The following RALGAPA2 variants were observed in gnomAD, a reference collection of about 807,000 sequenced individuals.
RALGAPA2 encodes Ral GTPase activating protein catalytic subunit alpha 2.
In RALGAPA2, 139 loss-of-function variants were observed where a neutral mutation model predicts 230.4. That is an observed-to-expected ratio of 0.60 (90% CI 0.53 to 0.69). The LOEUF (loss-of-function observed/expected upper bound fraction) is 0.69. RALGAPA2 is among the 30% of genes least tolerant of loss of function. The pLI is 0.00. For missense variants in RALGAPA2, 2,163 were observed against 2,276.0 expected (o/e 0.95, Z 1.01); for synonymous variants, 847 against 837.8 (o/e 1.01, Z -0.19).
intron 37 of RALGAPA2, among the ~76,000 whole-genome samples, chr20:20,470,441 G>A (rs966104317): frequency 6.6e-6 from 1 of 152,154 alleles, no homozygotes; most frequent in Non-Finnish European, 1.5e-5. Context: ...CGTTTCTTTA[G>A]TTGTCATCTT....
intron 30 of RALGAPA2, among the ~76,000 whole-genome samples, chr20:20,523,542 A>G (rs1362276994): frequency 2.0e-5 from 3 of 152,214 alleles, no homozygotes; most frequent in Non-Finnish European, 4.4e-5. Context: ...GGCTGTAGTT[A>G]ACATTAATCA....
chr20:20,471,613 C>G (rs911278729), intron 37 of RALGAPA2: 2 of 152,104 alleles, frequency 1.3e-5, no homozygotes, highest in African/African-American at 4.8e-5. Context: ...CACAAGATTA[C>G]GTCTACAGTG....
At chr20:20,408,112 T>C (rs545335843) in intron 38 of RALGAPA2, among the ~76,000 whole-genome samples, 27 of 152,350 alleles carry the variant, frequency 1.8e-4, no homozygotes, top group African/African-American at 5.1e-4. Flanking sequence ...TATAGCAATA[T>C]TGAAGCAGAA....
At chr20:20,621,070 G>A (rs1316403386) in intron 10 of RALGAPA2, among the ~76,000 whole-genome samples, 1 of 151,796 alleles carries the variant, frequency 6.6e-6, no homozygotes, top group African/African-American at 2.4e-5. Flanking sequence ...GAACCCAGGA[G>A]GTGGAGGTTG....
At chr20:20,401,726 T>C (rs959360587) in intron 38 of RALGAPA2, among the ~76,000 whole-genome samples, 8 of 152,218 alleles carry the variant, frequency 5.3e-5, no homozygotes, top group Non-Finnish European at 5.9e-5. Flanking sequence ...TGAGGAAACA[T>C]TGCAGAAGCA....
Position 20,543,088 on chromosome 20 carries a change from A to C in RALGAPA2, c.3285+3616T>G, listed in dbSNP as rs143320063. Reference sequence around the variant, plus strand: ...TAGACGGAGTCATGCTCTGTCACCCAGGCTAGAGTGCAGTGGTGCGATCTT... The same window carrying C: ...TAGACGGAGTCATGCTCTGTCACCCCGGCTAGAGTGCAGTGGTGCGATCTT... On this transcript the variant is annotated intron_variant, in intron 24 of 39. Coordinates refer to ENST00000202677, the MANE Select transcript of RALGAPA2 (RefSeq NM_020343.4). Among the ~76,000 whole-genome samples the C allele has an allele frequency of 3.5e-3, 527 of 152,228 alleles. 4 individuals are homozygous for C. Among genetic ancestry groups the C allele is most frequent in the African/African-American group, 0.012 (494 of 41,546 alleles).
intron 31 of RALGAPA2, among the ~76,000 whole-genome samples, chr20:20,515,255 TA>T (rs1264487396): frequency 6.6e-6 from 1 of 152,174 alleles, no homozygotes; most frequent in East Asian, 1.9e-4. Flanking sequence ...CAGCCCCATA[TA>T]AAACCTGCCG....
chr20:20,416,418 A>G (rs2060166137), intron 37 of RALGAPA2, among the ~76,000 whole-genome samples: 1 of 152,204 alleles, frequency 6.6e-6, no homozygotes, highest in South Asian at 2.1e-4. Flanking sequence ...ATTTTCTTGA[A>G]TCACAGTCAC....
intron 9 of RALGAPA2, among the ~76,000 whole-genome samples, chr20:20,630,195 G>T (rs1026729309): frequency 8.5e-5 from 13 of 152,192 alleles, no homozygotes; most frequent in African/African-American, 3.1e-4. Flanking sequence ...AAGAAATGAA[G>T]TAATTCATGC....
In RALGAPA2 at chr20:20,491,563, G is replaced by A. The variant is rs1049358479; in HGVS notation, c.5367+3554C>T. Among the ~76,000 whole-genome samples the A allele has an allele frequency of 3.9e-5, 6 of 152,250 alleles. No homozygotes were observed. The East Asian group carries it at 1.2e-3, about 30-fold the overall frequency. Reference sequence around the variant, plus strand: ...ACTGAAAGAGAGGGAAAGCAGCACGGGTACTCACTGCAGTGTGGAAGTTCT... The same window carrying A: ...ACTGAAAGAGAGGGAAAGCAGCACGAGTACTCACTGCAGTGTGGAAGTTCT... On this transcript the variant is annotated intron_variant, in intron 36 of 39. Coordinates refer to ENST00000202677, the MANE Select transcript of RALGAPA2 (RefSeq NM_020343.4).
rs370779249 is a variant in RALGAPA2, at chr20:20,639,894, A to G, written c.557T>C (p.Ile186Thr). The G allele has an allele frequency of 6.2e-7, 1 of 1,604,500 alleles. No homozygotes were observed. The highest frequency in any genetic ancestry group is 8.5e-7 in the Non-Finnish European group (1 of 1,171,622). Residue 186 changes from isoleucine to threonine, a missense_variant, in exon 7 of 40, where the codon ATA (isoleucine) becomes ACA (threonine). Physicochemically the swap from Ile to Thr is moderately conservative, Grantham distance 89. Transcript: ENST00000202677. ...NPSPSVADVK[I>T]YPEEITPLLP... ...GAGTGGAGTGATTTCTTCTGGATAT[A>G]TCTTTACTGAAAGGACAGAAAATGA...
intron 34 of RALGAPA2, 179 bp downstream of exon 34, chr20:20,505,232 T>C (rs1307025474): frequency 3.2e-6 from 3 of 945,438 alleles, no homozygotes; most frequent in Admixed American, 6.2e-5. Context: ...CAAAAGTTCA[T>C]GTATTAAATA....
chr20:20,407,911 C>T (rs1286940568), intron 38 of RALGAPA2, among the ~76,000 whole-genome samples: 1 of 152,210 alleles, frequency 6.6e-6, no homozygotes, highest in Non-Finnish European at 1.5e-5. Context: ...ATACGACCTA[C>T]ATTAAAAGTG....
intron 13 of RALGAPA2, among the ~76,000 whole-genome samples, chr20:20,615,012 C>G (rs1189844629): frequency 1.3e-5 from 2 of 152,022 alleles, no homozygotes; most frequent in African/African-American, 4.8e-5. Flanking sequence ...AGGGAACACA[C>G]AAAGGACAGG....
At chr20:20,691,097 TC>T (rs1319544881) in intron 1 of RALGAPA2, among the ~76,000 whole-genome samples, 2 of 152,148 alleles carry the variant, frequency 1.3e-5, no homozygotes, top group East Asian at 3.8e-4. Flanking sequence ...CTTACAATCT[TC>T]CCACCTGCAA....
chr20:20,505,655 G>T, intron 33 of RALGAPA2, 121 bp from the exon 34 acceptor site: 1 of 826,786 alleles, frequency 1.2e-6, no homozygotes, highest in Non-Finnish European at 1.8e-6. Context: ...ACCTGCTAGA[G>T]GTCAGTCAGT....
intron 32 of RALGAPA2, among the ~76,000 whole-genome samples, chr20:20,511,707 C>T (rs1201462940): frequency 6.6e-6 from 1 of 152,194 alleles, no homozygotes; most frequent in African/African-American, 2.4e-5. Context: ...AAGTCTTCTC[C>T]ATTGCTCTGT....
chr20:20,437,702 G>C lies in RALGAPA2; in HGVS notation c.5496-25554C>G, dbSNP rs1475565084. On this transcript the variant is annotated intron_variant, in intron 37 of 39. Transcript: ENST00000202677. The surrounding 1 kb of genome is among the most constrained non-coding windows in gnomAD (Gnocchi z 4.1). ...TTTGCTCAAATGCCAGCTTTTCTCA[G>C]GAGGCACTGTGATCCAGACCCTTCA... Among the ~76,000 whole-genome samples the C allele has an allele frequency of 6.6e-6, 1 of 152,210 alleles. No individual in the cohort carries two copies. The highest frequency in any genetic ancestry group is 1.5e-5 in the Non-Finnish European group (1 of 68,032).
At chr20:20,680,248 T>G (rs1470934617) in intron 2 of RALGAPA2, among the ~76,000 whole-genome samples, 2 of 152,224 alleles carry the variant, frequency 1.3e-5, no homozygotes, top group Non-Finnish European at 2.9e-5. Context: ...TTTCAAAGAA[T>G]ATAGTCACAA....
Sources: gnomAD v4.1 joint callset for allele counts (sites outside exome capture counted in the v4.1 genomes callset) on GRCh38, gnomAD v4.1.1 for gene constraint, Gnocchi (gnomAD v3.1) non-coding constraint, MANE v1.5 for transcripts, NCBI Gene and HGNC (gene_info 2026-07-23, HGNC 2026-07-21) for gene names.